Variants in KLRG1 observed in about 807,000 individuals in gnomAD.
KLRG1 encodes killer cell lectin like receptor G1.
Under a neutral mutation model 21.8 loss-of-function variants are expected in KLRG1, and 16 were observed. That is an observed-to-expected ratio of 0.73 (90% CI 0.50 to 1.11). KLRG1 has a LOEUF of 1.11. Among genes scored for constraint, KLRG1 ranks in the 50% most tolerant of loss-of-function variants. The pLI, the probability that KLRG1 is intolerant of heterozygous loss-of-function variation, is 0.00. For missense variants in KLRG1, 173 were observed against 218.3 expected (o/e 0.79, Z 1.31); for synonymous variants, 69 against 75.9 (o/e 0.91, Z 0.47).
At chr12:9,157,142 C>T in the KLRG1 span, 1 of 1,593,582 alleles carries the variant, frequency 6.3e-7, no homozygotes, top group Non-Finnish European at 8.6e-7. Flanking sequence ...TATGTGTTCT[C>T]ATTGTTCAGC....
the KLRG1 span, chr12:9,196,506 G>A: frequency 1.1e-5 from 17 of 1,569,570 alleles, no homozygotes; most frequent in East Asian, 3.8e-4. Context: ...TCTTACAAAT[G>A]ACCTTTATTT....
chr12:9,187,816 C>A, the KLRG1 span, among the ~76,000 whole-genome samples: 1 of 152,214 alleles, frequency 6.6e-6, no homozygotes, highest in Non-Finnish European at 1.5e-5. Flanking sequence ...ACACCCTAAT[C>A]ACTACTTGCT....
the KLRG1 span, chr12:9,153,344 C>T: frequency 6.2e-7 from 1 of 1,611,390 alleles, no homozygotes; most frequent in African/African-American, 1.3e-5. Flanking sequence ...CCACTGTGTC[C>T]TGGAAGAGAC....
At chr12:9,129,914 G>A in the KLRG1 span, among the ~76,000 whole-genome samples, 3 of 152,224 alleles carry the variant, frequency 2.0e-5, no homozygotes, top group Admixed American at 1.3e-4. Flanking sequence ...CAGATTTTCC[G>A]AGCTTTTATA....
At chr12:9,159,637 A>G in the KLRG1 span, among the ~76,000 whole-genome samples, 2 of 151,910 alleles carry the variant, frequency 1.3e-5, 1 homozygote, top group African/African-American at 4.8e-5. Flanking sequence ...AGTAAAACAA[A>G]GAAAAGAAAA....
chr12:9,061,647 C>G, the KLRG1 span, among the ~76,000 whole-genome samples: 672 of 151,996 alleles, frequency 4.4e-3, 9 homozygotes, highest in African/African-American at 0.015. Flanking sequence ...GACCCTATCT[C>G]TACAAAAAAT....
chr12:9,153,842 A>G, the KLRG1 span, among the ~76,000 whole-genome samples: 1 of 152,200 alleles, frequency 6.6e-6, no homozygotes, highest in Non-Finnish European at 1.5e-5. Flanking sequence ...GAAAGAAGAC[A>G]TGTAGGAGGG....
chr12:9,065,979 T>C, the KLRG1 span: 1 of 152,274 alleles, frequency 6.6e-6, no homozygotes, highest in Non-Finnish European at 1.5e-5. Context: ...GGGTCTCCGT[T>C]CTGCTAGAAG....
At chr12:8,967,407 T>G (rs1293395356) in intron 1 of KLRG1, among the ~76,000 whole-genome samples, 2 of 152,196 alleles carry the variant, frequency 1.3e-5, no homozygotes, top group African/African-American at 4.8e-5. Flanking sequence ...CCTGTTTTAA[T>G]TTTTAAAGAT....
chr12:9,102,742 A>G, the KLRG1 span, among the ~76,000 whole-genome samples: 1 of 152,208 alleles, frequency 6.6e-6, no homozygotes, highest in Non-Finnish European at 1.5e-5. Context: ...TGATCACCCC[A>G]AACAGGGAAC....
At chr12:9,157,239 T>G in the KLRG1 span, 1 of 1,614,040 alleles carries the variant, frequency 6.2e-7, no homozygotes, top group African/African-American at 1.3e-5. Context: ...GCTTTCCCAG[T>G]AGGGAAAAAG....
At chr12:9,124,568 C>T in the KLRG1 span, among the ~76,000 whole-genome samples, 1 of 152,244 alleles carries the variant, frequency 6.6e-6, no homozygotes, top group Non-Finnish European at 1.5e-5. Flanking sequence ...CCTGCCCATT[C>T]CCAGTTGGCT....
chr12:9,025,024 G>C, the KLRG1 span, among the ~76,000 whole-genome samples: 1 of 152,156 alleles, frequency 6.6e-6, no homozygotes, highest in Admixed American at 6.5e-5. Context: ...GCACTTACTA[G>C]AACAAAATGC....
At chr12:9,200,446 G>A in the KLRG1 span, 1 of 1,603,004 alleles carries the variant, frequency 6.2e-7, no homozygotes, top group Non-Finnish European at 8.5e-7. Context: ...AACTTGGGAA[G>A]CACTGTTAAT....
chr12:9,022,298 T>G, the KLRG1 span, among the ~76,000 whole-genome samples: 1 of 152,186 alleles, frequency 6.6e-6, no homozygotes, highest in African/African-American at 2.4e-5. Context: ...ACCTGAGTGT[T>G]TGTGCAGTGT....
the KLRG1 span, chr12:9,027,567 G>A: frequency 1.0e-6 from 1 of 985,914 alleles, no homozygotes; most frequent in Non-Finnish European, 1.6e-6. Context: ...GCTGCTACTA[G>A]AACCACCATA....
the KLRG1 span, among the ~76,000 whole-genome samples, chr12:9,048,928 T>TA: frequency 1.6e-4 from 24 of 152,186 alleles, no homozygotes; most frequent in African/African-American, 5.8e-4. Flanking sequence ...ATTGGCTAGG[T>TA]AAAAAATCTT....
At chr12:9,168,169 A>T in the KLRG1 span, among the ~76,000 whole-genome samples, 5 of 152,246 alleles carry the variant, frequency 3.3e-5, no homozygotes, top group African/African-American at 1.2e-4. Flanking sequence ...TTGAAGAGCC[A>T]TTAGTCAAAT....
At chr12:9,157,968 TC>T in the KLRG1 span, 17 of 826,722 alleles carry the variant, frequency 2.1e-5, no homozygotes, top group East Asian at 5.5e-5. Flanking sequence ...TCTCTCTCTC[TC>T]TCTCGACAGG....
Sources: allele counts gnomAD v4.1 joint callset (sites outside exome capture counted in the v4.1 genomes callset), GRCh38; gene constraint gnomAD v4.1.1; transcripts MANE v1.5; gene names NCBI Gene and HGNC (gene_info 2026-07-23, HGNC 2026-07-21).